Variants in NUP93 observed in about 807,000 individuals in gnomAD.
NUP93 encodes nucleoporin 93, also known as nuclear pore complex protein Nup93.
A neutral mutation model predicts 107.8 loss-of-function variants in NUP93; 55 were observed. That is an observed-to-expected ratio of 0.51 (90% CI 0.41 to 0.64). The LOEUF is 0.64. NUP93 is among the 30% of genes least tolerant of loss of function. The pLI, the probability that NUP93 is intolerant of heterozygous loss-of-function variation, is 0.00. For missense variants in NUP93, 937 were observed against 1,044.7 expected, an observed-to-expected ratio of 0.90 and a Z score of 1.42; for synonymous variants, 390 against 397.5, an observed-to-expected ratio of 0.98 and a Z score of 0.22.
At chr16:56,838,689 C>G (rs886307628) in intron 18 of NUP93, among the ~76,000 whole-genome samples, 23 of 152,152 alleles carry the variant, frequency 1.5e-4, no homozygotes, top group African/African-American at 5.3e-4. Flanking sequence ...CCTCAGCCTC[C>G]TGAGTAACTA....
Position 56,848,249 on chromosome 16 carries a change from G to A in NUP93, c.*3640G>A, listed in dbSNP as rs946939585. On this transcript the variant is annotated 3_prime_UTR_variant, in exon 22 of 22. Transcript: ENST00000308159. Reference sequence around the variant, plus strand: ...CCCCTGGGCTGGCGGGTTGACCCAGGCCTGACAAAGTCTTGGCAGTCCCCA... The same window carrying A: ...CCCCTGGGCTGGCGGGTTGACCCAGACCTGACAAAGTCTTGGCAGTCCCCA... 6 of 152,180 alleles carry A rather than the reference G, an allele frequency of 3.9e-5. No homozygotes were observed. The highest frequency in any genetic ancestry group is 8.8e-5 in the Non-Finnish European group (6 of 68,040). 9.4% of individuals were successfully genotyped at this position (152,180 alleles called of 1,614,324 possible). A position where few individuals can be genotyped will look rare whatever the true frequency, so the allele number is the denominator to read the frequency against.
intron 2 of NUP93, among the ~76,000 whole-genome samples, chr16:56,756,316 C>T (rs1396390394): frequency 3.2e-5 from 4 of 123,938 alleles, no homozygotes; most frequent in African/African-American, 1.2e-4. Flanking sequence ...CCCCGACAGG[C>T]TCCTATGTGT....
chr16:56,809,512 A>C (rs1250925342), intron 5 of NUP93, among the ~76,000 whole-genome samples: 1 of 152,118 alleles, frequency 6.6e-6, no homozygotes, highest in Non-Finnish European at 1.5e-5. Context: ...GTGCTTCCTG[A>C]TAAGTCTTTT....
At chr16:56,829,952 C>T (rs762728768) in intron 9 of NUP93, among the ~76,000 whole-genome samples, 5 of 152,206 alleles carry the variant, frequency 3.3e-5, no homozygotes, top group African/African-American at 7.2e-5. Context: ...AAGCGCAGGC[C>T]GCTGTGCAGA....
chr16:56,753,466 G>C (rs1246185296), intron 2 of NUP93, among the ~76,000 whole-genome samples: 1 of 152,178 alleles, frequency 6.6e-6, no homozygotes, highest in Admixed American at 6.5e-5. Flanking sequence ...GGGAACTATA[G>C]CCTTGCTACT....
At chr16:56,843,607 T>C (rs1411987427) in intron 21 of NUP93, among the ~76,000 whole-genome samples, 1 of 152,226 alleles carries the variant, frequency 6.6e-6, no homozygotes, top group Non-Finnish European at 1.5e-5. Flanking sequence ...TCCCTAGAGC[T>C]CATTTAACGA....
chr16:56,748,321 A>C lies in NUP93; in HGVS notation c.74A>C (p.Glu25Ala). Residue 25 changes from glutamate (E) to alanine (A), a missense_variant, in exon 2 of 22, where the codon GAG (glutamate) becomes GCG (alanine). By Grantham distance (107) the Glu-to-Ala change is moderately radical (BLOSUM62 -1). Coordinates refer to ENST00000308159, the MANE Select transcript of NUP93 (RefSeq NM_014669.5). ...GCTGCTGAGACTGAGGGCATCTCAG[A>C]GCTTCCCCATGTGGAACGGAACTTA... ...QLAAETEGIS[E>A]LPHVERNLQE... 1 of 1,614,018 alleles carries C rather than the reference A, an allele frequency of 6.2e-7. No individual in the cohort carries two copies. The highest frequency in any genetic ancestry group is 8.5e-7 in the Non-Finnish European group (1 of 1,179,940).
chr16:56,817,655 CTG>C (rs149032109), intron 5 of NUP93, among the ~76,000 whole-genome samples: 3,400 of 152,232 alleles, frequency 0.022, 69 homozygotes, highest in East Asian at 0.075. Flanking sequence ...TTTAAAAAGA[CTG>C]AAACTTTTTT....
rs577224419 is a variant in NUP93 at position 56,828,524 on chromosome 16, G to T, written c.795-453G>T. Among the ~76,000 whole-genome samples the T allele has an allele frequency of 2.6e-4, 40 of 152,282 alleles. 1 individual carries two copies. In the South Asian group the frequency reaches 6.2e-3, roughly 24 times the overall value. On this transcript the variant is annotated intron_variant, in intron 8 of 21. Coordinates refer to ENST00000308159, the MANE Select transcript of NUP93 (RefSeq NM_014669.5). ...GGGTTTGAGGGGAGAAAAATGTTAT[G>T]TGTATGTGTAGAGAGAAAACATAAA... is the stretch of plus-strand genomic sequence containing the variant.
chr16:56,811,331 A>C (rs1207439321), intron 5 of NUP93, among the ~76,000 whole-genome samples: 1 of 152,128 alleles, frequency 6.6e-6, no homozygotes, highest in African/African-American at 2.4e-5. Flanking sequence ...TTGTGTTTTT[A>C]TAGGCCTTTT....
chr16:56,830,282 A>G (rs1332904192), intron 9 of NUP93, among the ~76,000 whole-genome samples: 1 of 152,200 alleles, frequency 6.6e-6, no homozygotes, highest in African/African-American at 2.4e-5. Flanking sequence ...AAAGCACTTC[A>G]GAGGAAAAGC....
At chr16:56,754,873 A>G (rs1021309486) in intron 2 of NUP93, among the ~76,000 whole-genome samples, 1 of 152,116 alleles carries the variant, frequency 6.6e-6, no homozygotes, top group Non-Finnish European at 1.5e-5. Context: ...ACATTTCTCT[A>G]CATTCTCTGG....
At chr16:56,789,492 A>AC (rs1257460591) in intron 3 of NUP93, among the ~76,000 whole-genome samples, 1 of 152,218 alleles carries the variant, frequency 6.6e-6, no homozygotes, top group Non-Finnish European at 1.5e-5. Flanking sequence ...TGGTGCCCAC[A>AC]CAGTGCCATG....
intron 3 of NUP93, among the ~76,000 whole-genome samples, chr16:56,783,135 A>G (rs1375289603): frequency 2.0e-5 from 3 of 152,246 alleles, no homozygotes; most frequent in Admixed American, 2.0e-4. Context: ...TTCTCTTAAA[A>G]GCAACAACAA....
chr16:56,841,758 A>T lies in NUP93; in HGVS notation c.2274A>T (p.Thr758=). ...TTGCCACCATGAACATCTTGTTCAC[A>T]CAGTTTAAGAGGCTCAAGGGGACAA... ...VLLATMNILF[T]QFKRLKGTSP... is the part of the protein sequence containing the mutation. Residue 758 remains threonine, a synonymous_variant, in exon 21 of 22, where the codon ACA becomes ACT. Coordinates refer to ENST00000308159, the MANE Select transcript of NUP93 (RefSeq NM_014669.5). 6.2e-7 allele frequency: 1 copy of T among 1,614,192 alleles called. No homozygotes were observed. The highest frequency in any genetic ancestry group is 1.3e-5 in the African/African-American group (1 of 75,058).
rs747076042 is a variant in NUP93, at chr16:56,748,343, C to T, written c.96C>T (p.Asn32=). 3 of 1,614,084 alleles carry T rather than the reference C, an allele frequency of 1.9e-6. No homozygotes were observed. The highest frequency in any genetic ancestry group is 2.2e-5 in the South Asian group (2 of 91,086). ...CAGAGCTTCCCCATGTGGAACGGAA[C>T]TTACAGGAGATCCAGCAGGCGGGAG... is the stretch of plus-strand genomic sequence containing the variant. ...GISELPHVER[N]LQEIQQAGER... The change falls in exon 2 of 22, where the codon AAC becomes AAT. Residue 32 remains asparagine, a synonymous_variant. Coordinates refer to ENST00000308159, the MANE Select transcript of NUP93 (RefSeq NM_014669.5).
At chr16:56,800,392 C>G (rs1253560962) in intron 4 of NUP93, among the ~76,000 whole-genome samples, 1 of 152,102 alleles carries the variant, frequency 6.6e-6, no homozygotes, top group Non-Finnish European at 1.5e-5. Flanking sequence ...TGAATGCTAC[C>G]AAGCTTTATT....
chr16:56,837,140 T>G (rs1230630188), intron 17 of NUP93, among the ~76,000 whole-genome samples: 1 of 152,198 alleles, frequency 6.6e-6, no homozygotes, highest in African/African-American at 2.4e-5. Context: ...CTGGGCGTTT[T>G]GAGAGGACTA....
chr16:56,758,143 G>T (rs1013174769), intron 2 of NUP93, among the ~76,000 whole-genome samples: 2 of 151,960 alleles, frequency 1.3e-5, no homozygotes, highest in African/African-American at 2.4e-5. Flanking sequence ...TCCTGACTCT[G>T]TGACTTTGGG....
Sources: gnomAD v4.1 joint callset for allele counts (sites outside exome capture counted in the v4.1 genomes callset) on GRCh38, gnomAD v4.1.1 for gene constraint, MANE v1.5 for transcripts, NCBI Gene and HGNC (gene_info 2026-07-23, HGNC 2026-07-21) for gene names.